SATB2: variants seen among roughly 807,000 people sequenced by gnomAD.
SATB2 encodes DNA-binding protein SATB2.
A neutral mutation model predicts 73.4 loss-of-function variants in SATB2; 1 was observed. The ratio of observed to expected loss-of-function variants is 0.01; its 90% CI spans 0.00 to 0.06. SATB2 has a LOEUF of 0.06. Among genes scored for constraint, SATB2 ranks in the 10% least tolerant of loss-of-function variants. The probability of loss-of-function intolerance (pLI) is 1.00; values close to 1 mark genes in which losing one functional copy is unlikely to be tolerated. For missense variants in SATB2, 459 were observed against 945.8 expected, an observed-to-expected ratio of 0.49 and a Z score of 6.75; for synonymous variants, 397 against 367.0, an observed-to-expected ratio of 1.08 and a Z score of -0.93.
At chr2:199,426,702 A>AG (rs1259583504) in intron 3 of SATB2, among the ~76,000 whole-genome samples, 8 of 135,018 alleles carry the variant, frequency 5.9e-5, no homozygotes, top group South Asian at 5.0e-4. Context: ...CAAAAAAAAA[A>AG]AAAAAAAAAG....
chr2:199,342,829 A>G (rs1379786588), intron 7 of SATB2, among the ~76,000 whole-genome samples: 1 of 152,204 alleles, frequency 6.6e-6, no homozygotes, highest in East Asian at 1.9e-4. Flanking sequence ...TATATTCTTA[A>G]AAGACATATT....
At chr2:199,324,890 C>T (rs1366893110) in intron 8 of SATB2, among the ~76,000 whole-genome samples, 4 of 152,108 alleles carry the variant, frequency 2.6e-5, no homozygotes, top group Non-Finnish European at 5.9e-5. Flanking sequence ...ATTGGCCTAA[C>T]CTGGGTTTTT....
intron 5 of SATB2, among the ~76,000 whole-genome samples, chr2:199,377,006 A>C (rs1175801958): frequency 6.6e-6 from 1 of 152,234 alleles, no homozygotes; most frequent in Non-Finnish European, 1.5e-5. Context: ...ACATCTCCCT[A>C]AAGAACCAAT....
intron 3 of SATB2, among the ~76,000 whole-genome samples, chr2:199,409,167 C>CTTTTTTTTTTTTT (rs67330007): frequency 7.9e-4 from 91 of 115,192 alleles, no homozygotes; most frequent in Middle Eastern, 5.4e-3. Context: ...TTTTTCTTTT[C>CTTTTTTTTTTTTT]TTTTTTTTTT....
intron 3 of SATB2, among the ~76,000 whole-genome samples, chr2:199,409,366 C>T (rs1434215773): frequency 1.3e-5 from 2 of 152,040 alleles, no homozygotes; most frequent in African/African-American, 2.4e-5. Flanking sequence ...GACAGGGTTT[C>T]TCCATGTCGG....
chr2:199,409,208 T>C (rs1429339105), intron 3 of SATB2, among the ~76,000 whole-genome samples: 1 of 83,348 alleles, frequency 1.2e-5, no homozygotes, highest in Non-Finnish European at 3.7e-5. Flanking sequence ...TCACTCTTGT[T>C]GTGCAGGCTA....
At chr2:199,465,313 T>C (rs1692572650), upstream of SATB2, 2 of 152,194 alleles carry the variant, frequency 1.3e-5, no homozygotes, top group Admixed American at 6.5e-5. Flanking sequence ...ACCATTCAAG[T>C]CTCACAATAC....
intron 8 of SATB2, among the ~76,000 whole-genome samples, chr2:199,324,741 C>T (rs1232510872): frequency 2.0e-5 from 3 of 152,210 alleles, no homozygotes; most frequent in Non-Finnish European, 2.9e-5. Flanking sequence ...ATCCAAAAGA[C>T]GGTCATAACA....
chr2:199,290,391 C>T (rs1388314427), intron 10 of SATB2, among the ~76,000 whole-genome samples: 2 of 152,172 alleles, frequency 1.3e-5, no homozygotes, highest in East Asian at 1.9e-4. Context: ...AAACTTAGCA[C>T]AATGTCAAGG....
At chr2:199,403,791 T>C (rs1362799914) in intron 3 of SATB2, among the ~76,000 whole-genome samples, 1 of 152,172 alleles carries the variant, frequency 6.6e-6, no homozygotes, top group Non-Finnish European at 1.5e-5. Context: ...ATATTCAAAG[T>C]GGCTGGATTG....
chr2:199,393,217 G>A lies in SATB2; in HGVS notation c.347-11397C>T, dbSNP rs183513120. Among the ~76,000 whole-genome samples, 15 of 152,228 alleles carry A rather than the reference G, an allele frequency of 9.9e-5. No homozygotes were observed. In the East Asian group the frequency reaches 2.1e-3, roughly 22 times the overall value. On this transcript the variant is annotated intron_variant, in intron 3 of 10. Coordinates refer to ENST00000417098, the MANE Select transcript of SATB2 (RefSeq NM_001172509.2). ...AGACTGTAAGTTCCACAGATAACAC[G>A]GTGCCTGGCAGATGGTAGAGGCTCA...
chr2:199,304,110 CTG>C (rs1394064024), intron 10 of SATB2, among the ~76,000 whole-genome samples: 1 of 152,140 alleles, frequency 6.6e-6, no homozygotes, highest in East Asian at 1.9e-4. Context: ...CCAAAATCGC[CTG>C]TGTTTTCATT....
chr2:199,435,980 G>A (rs1279679315), intron 2 of SATB2, among the ~76,000 whole-genome samples: 1 of 152,076 alleles, frequency 6.6e-6, no homozygotes, highest in Admixed American at 6.5e-5. Flanking sequence ...TATAGTCCAT[G>A]GTGCCATAAG....
intron 3 of SATB2, among the ~76,000 whole-genome samples, chr2:199,417,568 A>T (rs1369749947): frequency 6.6e-6 from 1 of 152,176 alleles, no homozygotes; most frequent in Non-Finnish European, 1.5e-5. Flanking sequence ...TACTGAGGTA[A>T]CTCAATATTT....
chr2:199,321,376 C>T (rs144047194), intron 9 of SATB2, among the ~76,000 whole-genome samples: 152 of 138,876 alleles, frequency 1.1e-3, no homozygotes, highest in Non-Finnish European at 8.7e-4. Flanking sequence ...TATGTCTATA[C>T]ATAGACATAT....
At chr2:199,329,824 T>A (rs557729439) in intron 7 of SATB2, among the ~76,000 whole-genome samples, 1 of 152,150 alleles carries the variant, frequency 6.6e-6, no homozygotes, top group East Asian at 1.9e-4. Flanking sequence ...GGGCTGGAGA[T>A]CTAAGGTGGG....
At chr2:199,394,151 CAATAG>C (rs769837025) in intron 3 of SATB2, among the ~76,000 whole-genome samples, 9 of 152,076 alleles carry the variant, frequency 5.9e-5, no homozygotes, top group East Asian at 1.9e-4. Context: ...GCATAGTACC[CAATAG>C]AATAGTTTAT....
chr2:199,384,752 T>G (rs766794938), intron 3 of SATB2, among the ~76,000 whole-genome samples: 3 of 152,094 alleles, frequency 2.0e-5, no homozygotes, highest in Non-Finnish European at 4.4e-5. Context: ...ACCTCAATCC[T>G]CTCATCTGTA....
intron 7 of SATB2, among the ~76,000 whole-genome samples, chr2:199,339,752 A>T (rs1454526294): frequency 6.6e-6 from 1 of 152,200 alleles, no homozygotes; most frequent in Non-Finnish European, 1.5e-5. Context: ...ATTTTCTAGA[A>T]ATATAAACTG....
Sources: gnomAD v4.1 joint callset for allele counts (sites outside exome capture counted in the v4.1 genomes callset) on GRCh38, gnomAD v4.1.1 for gene constraint, MANE v1.5 for transcripts, NCBI Gene and HGNC (gene_info 2026-07-23, HGNC 2026-07-21) for gene names.